Variants in TCF7L2 observed in about 807,000 individuals in gnomAD.
TCF7L2 encodes the protein transcription factor 7-like 2.
In TCF7L2, 23 loss-of-function variants were observed where a neutral mutation model predicts 77.9. The observed-to-expected ratio is 0.30, with a 90% CI of 0.21 to 0.42. TCF7L2 has a LOEUF of 0.42. Ranked by LOEUF, TCF7L2 falls within the 10% of genes least tolerant of loss-of-function variation. The pLI, the probability that TCF7L2 is intolerant of heterozygous loss-of-function variation, is 1.00. For missense variants in TCF7L2, 654 were observed against 793.1 expected, an observed-to-expected ratio of 0.82 and a Z score of 2.11; for synonymous variants, 413 against 340.2, an observed-to-expected ratio of 1.21 and a Z score of -2.36.
chr10:113,073,503 C>CAAAAAAAAAA (rs35730806), intron 5 of TCF7L2, among the ~76,000 whole-genome samples: 26 of 43,960 alleles, frequency 5.9e-4, no homozygotes, highest in Admixed American at 8.9e-4. Flanking sequence ...CGGTCTCTAC[C>CAAAAAAAAAA]AAAAAAAAAA....
intron 3 of TCF7L2, among the ~76,000 whole-genome samples, chr10:112,959,554 G>A (rs1343438874): frequency 6.6e-6 from 1 of 152,184 alleles, no homozygotes; most frequent in Non-Finnish European, 1.5e-5. Context: ...GAAAGGGGAT[G>A]CTGTCGTTAA....
rs1423774269 is a variant in TCF7L2 at position 112,988,484 on chromosome 10, A to G, written c.450+23860A>G. On this transcript the variant is annotated intron_variant, in intron 4 of 13. Coordinates refer to ENST00000627217, the MANE Select transcript of TCF7L2 (RefSeq NM_001146274.2). ...TATCTTTCTTCCACTTGACTAAATG[A>G]GAATAGTGTGGGTCACTCTCTACCT... 2.6e-5 allele frequency among the ~76,000 whole-genome samples: 4 copies of G among 152,260 alleles called. No individual in the cohort carries two copies. In the South Asian group the frequency reaches 8.3e-4, roughly 32 times the overall value.
chr10:113,136,834 C>T (rs1487645931), intron 5 of TCF7L2, among the ~76,000 whole-genome samples: 1 of 152,144 alleles, frequency 6.6e-6, no homozygotes, highest in Non-Finnish European at 1.5e-5. Flanking sequence ...TCTAAATTTT[C>T]TTAGGGTGGT....
intron 8 of TCF7L2, 90 bp from the exon 9 acceptor site, chr10:113,150,908 G>GTTT: frequency 9.6e-5 from 125 of 1,307,382 alleles, no homozygotes; most frequent in Admixed American, 2.8e-4. Context: ...GTTACGTGCT[G>GTTT]TTTTTTTTTT....
At chr10:113,163,232 G>A (rs934833553) in intron 13 of TCF7L2, among the ~76,000 whole-genome samples, 1 of 152,142 alleles carries the variant, frequency 6.6e-6, no homozygotes, top group Non-Finnish European at 1.5e-5. Flanking sequence ...GAAGGTACCA[G>A]AATGCTCCTA....
At chr10:113,156,604 A>G (rs1026235660) in intron 11 of TCF7L2, among the ~76,000 whole-genome samples, 5 of 152,218 alleles carry the variant, frequency 3.3e-5, no homozygotes, top group Admixed American at 2.6e-4. Flanking sequence ...AACTAGTCCA[A>G]TCCGGAATGA....
At position 113,167,045 on chromosome 10, in the gene TCF7L2, G is replaced by A. The variant is rs761349798; in HGVS notation, c.*1073G>A. 49 of 231,088 alleles carry A rather than the reference G, an allele frequency of 2.1e-4. No homozygotes were observed. Among genetic ancestry groups the A allele is most frequent in the Non-Finnish European group, 3.6e-4 (42 of 116,902 alleles). The allele number at this position is 231,088 out of a possible 1,614,324, so 14.3% of individuals were successfully genotyped here. On this transcript the variant is annotated 3_prime_UTR_variant, in exon 14 of 14. Transcript: ENST00000627217. Reference sequence around the variant, plus strand: ...GCCCTACCCTGCGCCCTTAGGACCCGGACTGACCGTGTACAAAACTTTACG... The same window carrying A: ...GCCCTACCCTGCGCCCTTAGGACCCAGACTGACCGTGTACAAAACTTTACG...
intron 13 of TCF7L2, among the ~76,000 whole-genome samples, chr10:113,164,241 T>C (rs1010409127): frequency 3.3e-5 from 5 of 152,188 alleles, no homozygotes; most frequent in African/African-American, 1.2e-4. Context: ...ATTTCTTGAG[T>C]TGATTTTCCC....
chr10:112,978,233 T>C (rs1375446911), intron 4 of TCF7L2, among the ~76,000 whole-genome samples: 1 of 152,232 alleles, frequency 6.6e-6, no homozygotes, highest in African/African-American at 2.4e-5. Context: ...AGGTCTTGTC[T>C]ATTTAAAAAT....
chr10:112,986,023 A>G (rs767404802), intron 4 of TCF7L2, among the ~76,000 whole-genome samples: 1 of 152,040 alleles, frequency 6.6e-6, no homozygotes, highest in African/African-American at 2.4e-5. Flanking sequence ...AAGACGAGGG[A>G]GTAAAGAAGT....
At chr10:113,147,226 G>A (rs1001937287) in intron 8 of TCF7L2, among the ~76,000 whole-genome samples, 7 of 152,174 alleles carry the variant, frequency 4.6e-5, no homozygotes, top group Admixed American at 1.3e-4. Context: ...ATTAGCATGC[G>A]TTACATGGCA....
chr10:112,964,813 GGGGGGGGGTT>G (rs2036298938), intron 4 of TCF7L2, among the ~76,000 whole-genome samples, 189 bp downstream of exon 4: 1 of 98,430 alleles, frequency 1.0e-5, no homozygotes, highest in African/African-American at 1.0e-4. Context: ...TGGTGGTGGT[GGGGGGGGGTT>G]GAATCACTGG....
chr10:113,058,689 G>A (rs144308488), intron 5 of TCF7L2, among the ~76,000 whole-genome samples: 1 of 151,836 alleles, frequency 6.6e-6, no homozygotes, highest in Non-Finnish European at 1.5e-5. Flanking sequence ...GTTTTGGGTC[G>A]TGAGCTGTGT....
At chr10:113,017,941 A>G (rs1367530261) in intron 4 of TCF7L2, among the ~76,000 whole-genome samples, 1 of 152,188 alleles carries the variant, frequency 6.6e-6, no homozygotes, top group Non-Finnish European at 1.5e-5. Context: ...TCCTTTTTGC[A>G]AACAAATAAA....
chr10:112,999,812 C>A (rs1028501014), intron 4 of TCF7L2, among the ~76,000 whole-genome samples: 1 of 152,056 alleles, frequency 6.6e-6, no homozygotes, highest in Non-Finnish European at 1.5e-5. Context: ...CTATCAATAC[C>A]CCTGTCTATA....
chr10:113,119,020 G>C (rs7474668), intron 5 of TCF7L2, among the ~76,000 whole-genome samples: 14,294 of 152,118 alleles, frequency 0.094, 886 homozygotes, highest in Non-Finnish European at 0.13. Context: ...CTATTTTCGG[G>C]CTGCTAATTG....
intron 5 of TCF7L2, among the ~76,000 whole-genome samples, chr10:113,081,824 C>A (rs1426171859): frequency 6.6e-6 from 1 of 152,144 alleles, no homozygotes; most frequent in Non-Finnish European, 1.5e-5. Context: ...GTTTGAACTT[C>A]ATTATTACTA....
chr10:113,054,853 T>C lies in TCF7L2; in HGVS notation c.552+14727T>C, dbSNP rs189913326. 3.0e-4 allele frequency among the ~76,000 whole-genome samples: 45 copies of C among 152,134 alleles called. No individual in the cohort carries two copies. In the East Asian group the frequency reaches 3.1e-3, roughly 10 times the overall value. On this transcript the variant is annotated intron_variant, in intron 5 of 13. Transcript: ENST00000627217. Reference sequence around the variant, plus strand: ...TGCAGCATGTTTTCTTTTATTTTTATTTTTTTCTTTATTTTTAAATTTTTA... The same window carrying C: ...TGCAGCATGTTTTCTTTTATTTTTACTTTTTTCTTTATTTTTAAATTTTTA...
intron 4 of TCF7L2, among the ~76,000 whole-genome samples, chr10:112,969,350 C>G (rs1177935024): frequency 1.3e-5 from 2 of 152,202 alleles, no homozygotes; most frequent in African/African-American, 4.8e-5. Flanking sequence ...TAGTATTCCA[C>G]TGATGAATAT....
Sources: allele counts gnomAD v4.1 joint callset (sites outside exome capture counted in the v4.1 genomes callset), GRCh38; gene constraint gnomAD v4.1.1; transcripts MANE v1.5; gene names NCBI Gene and HGNC (gene_info 2026-07-23, HGNC 2026-07-21).